MAST4: variants seen among roughly 807,000 people sequenced by gnomAD.
MAST4 encodes microtubule associated serine/threonine kinase family member 4, also known as microtubule-associated serine/threonine-protein kinase 4.
MAST4 carries 89 observed loss-of-function variants against 162.7 expected under a neutral mutation model. The ratio of observed to expected loss-of-function variants is 0.55; its 90% CI spans 0.46 to 0.65. The LOEUF is 0.65. Among genes scored for constraint, MAST4 ranks in the 30% least tolerant of loss-of-function variants. The pLI is 0.00. For missense variants in MAST4, 3,153 were observed against 3,374.0 expected, an observed-to-expected ratio of 0.93 and a Z score of 1.62; for synonymous variants, 1,479 against 1,361.1, an observed-to-expected ratio of 1.09 and a Z score of -1.91.
Position 67,041,397 on chromosome 5 carries a change from C to G in MAST4, c.675-13007C>G, listed in dbSNP as rs569633933. 4.6e-5 allele frequency among the ~76,000 whole-genome samples: 7 copies of G among 152,300 alleles called. No individual in the cohort carries two copies. The South Asian group carries it at 1.2e-3, about 27-fold the overall frequency. ...GATAATGTTTACATTTACCATCAAGCCTTGCTGCCCTAGAACTAACCTCTT... is the reference window on the plus strand; with the variant it reads ...GATAATGTTTACATTTACCATCAAGGCTTGCTGCCCTAGAACTAACCTCTT... On this transcript the variant is annotated intron_variant, in intron 4 of 28. Coordinates refer to ENST00000403625, the MANE Select transcript of MAST4 (RefSeq NM_001164664.2).
intron 3 of MAST4, among the ~76,000 whole-genome samples, chr5:66,854,338 C>T (rs1759523338): frequency 6.6e-6 from 1 of 152,122 alleles, no homozygotes; most frequent in South Asian, 2.1e-4. Flanking sequence ...GGAGTTGTGA[C>T]CAATGACTCC....
intron 5 of MAST4, among the ~76,000 whole-genome samples, chr5:67,067,139 C>G (rs76424693): frequency 6.6e-6 from 1 of 152,146 alleles, no homozygotes; most frequent in African/African-American, 2.4e-5. Context: ...GTGTAGAAAC[C>G]TCCTTCTACT....
At chr5:66,787,001 A>C (rs889972720) in intron 2 of MAST4, among the ~76,000 whole-genome samples, 3 of 152,224 alleles carry the variant, frequency 2.0e-5, no homozygotes, top group African/African-American at 7.2e-5. Context: ...TCTAGAGGAA[A>C]ATCACTAAGG....
At chr5:66,613,396 A>G (rs1743428529) in intron 1 of MAST4, among the ~76,000 whole-genome samples, 1 of 149,294 alleles carries the variant, frequency 6.7e-6, no homozygotes, top group African/African-American at 2.5e-5. Context: ...TTGGTTACTC[A>G]TTACTCAAAA....
chr5:66,799,614 AC>A (rs1755819559), intron 3 of MAST4, among the ~76,000 whole-genome samples: 1 of 152,190 alleles, frequency 6.6e-6, no homozygotes, highest in Admixed American at 6.5e-5. Context: ...TTGAATATGA[AC>A]CCTGTTATTG....
At chr5:66,828,486 C>T (rs1181160583) in intron 3 of MAST4, among the ~76,000 whole-genome samples, 1 of 152,142 alleles carries the variant, frequency 6.6e-6, no homozygotes, top group African/African-American at 2.4e-5. Context: ...GGGCTTGACC[C>T]AAAGCTACTG....
At chr5:66,917,015 A>G (rs967963563) in intron 4 of MAST4, 17 of 718,116 alleles carry the variant, frequency 2.4e-5, no homozygotes, top group Middle Eastern at 2.3e-4. Flanking sequence ...TGCTTGGTCA[A>G]ACGGTATGTG....
intron 1 of MAST4, among the ~76,000 whole-genome samples, chr5:66,715,820 C>A (rs1387027388): frequency 1.3e-5 from 2 of 149,852 alleles, no homozygotes; most frequent in Non-Finnish European, 3.0e-5. Context: ...ATACAGATAT[C>A]AAATTATCCT....
intron 5 of MAST4, among the ~76,000 whole-genome samples, chr5:67,074,882 A>G (rs779222599): frequency 6.6e-6 from 1 of 152,230 alleles, no homozygotes; most frequent in South Asian, 2.1e-4. Flanking sequence ...AAAGGTGAGC[A>G]GTTCTTTTCC....
chr5:67,021,222 T>A (rs1281004278), intron 4 of MAST4, among the ~76,000 whole-genome samples: 2 of 152,170 alleles, frequency 1.3e-5, no homozygotes, highest in Non-Finnish European at 2.9e-5. Context: ...GGACAGAACA[T>A]GTTGAAAGAG....
intron 5 of MAST4, among the ~76,000 whole-genome samples, chr5:67,058,908 CA>C (rs2150580756): frequency 6.6e-6 from 1 of 152,336 alleles, no homozygotes; most frequent in South Asian, 2.1e-4. Flanking sequence ...GCTGTAGTAA[CA>C]AATTACTCAT....
chr5:66,912,995 A>C (rs1580853269), intron 4 of MAST4, among the ~76,000 whole-genome samples: 1 of 152,176 alleles, frequency 6.6e-6, no homozygotes, highest in South Asian at 2.1e-4. Flanking sequence ...ACAAAACAAA[A>C]CCTCTAAAAC....
intron 3 of MAST4, among the ~76,000 whole-genome samples, chr5:66,812,682 G>C (rs532111951): frequency 6.6e-6 from 1 of 152,316 alleles, no homozygotes; most frequent in South Asian, 2.1e-4. Context: ...TGCACATTTG[G>C]TAGTAAAAGG....
At chr5:66,721,629 C>G (rs575784810) in intron 1 of MAST4, among the ~76,000 whole-genome samples, 14 of 150,396 alleles carry the variant, frequency 9.3e-5, no homozygotes, top group Non-Finnish European at 2.1e-4. Flanking sequence ...AGTATAATGG[C>G]CACCACCTAT....
chr5:66,700,771 A>T (rs1172826673), intron 1 of MAST4, among the ~76,000 whole-genome samples: 1 of 137,970 alleles, frequency 7.2e-6, no homozygotes, highest in Non-Finnish European at 1.5e-5. Context: ...CTGTGAGATT[A>T]AAAAAAAAAT....
At position 67,157,498 on chromosome 5, in the gene MAST4, A is replaced by T. The variant is rs1772676150; in HGVS notation, c.3649-2958A>T. Among the ~76,000 whole-genome samples, 14 of 152,316 alleles carry T rather than the reference A, an allele frequency of 9.2e-5. No individual in the cohort carries two copies. In the South Asian group the frequency reaches 2.5e-3, roughly 27 times the overall value. ...ATTTATATGTGTCTCATACAATTTT[A>T]TATGTTTATGGCTCCTTCATTTTAT... On this transcript the variant is annotated intron_variant, in intron 26 of 28. Transcript: ENST00000403625.
intron 1 of MAST4, among the ~76,000 whole-genome samples, chr5:66,715,420 GC>G (rs1331824250): frequency 6.7e-6 from 1 of 149,170 alleles, no homozygotes; most frequent in Non-Finnish European, 1.5e-5. Flanking sequence ...AGAATTAAGG[GC>G]CACAGCTATC....
Position 67,144,713 on chromosome 5 carries a change from G to A in MAST4, c.2775G>A (p.Glu925=). The change falls in exon 22 of 29, where the codon GAG becomes GAA. Residue 925 remains glutamate (E), a synonymous_variant. Transcript: ENST00000403625. ...GAATCACTCAGAATTCAGCAGAAGA[G>A]AAGGAAGACTCTGTGGACAAAACCA... ...IDRITQNSAE[E]KEDSVDKTKS... 6.2e-7 allele frequency: 1 copy of A among 1,613,938 alleles called. No homozygotes were observed. The highest frequency in any genetic ancestry group is 1.1e-5 in the South Asian group (1 of 91,074).
intron 1 of MAST4, among the ~76,000 whole-genome samples, chr5:66,615,763 G>A (rs1454610355): frequency 1.3e-5 from 2 of 152,100 alleles, no homozygotes; most frequent in Non-Finnish European, 2.9e-5. Flanking sequence ...GGCTGTGATA[G>A]CACCACTGCA....
Sources: allele counts gnomAD v4.1 joint callset (sites outside exome capture counted in the v4.1 genomes callset), GRCh38; gene constraint gnomAD v4.1.1; transcripts MANE v1.5; gene names NCBI Gene and HGNC (gene_info 2026-07-23, HGNC 2026-07-21).